The following OSBPL10 variants were observed in gnomAD, a reference collection of about 807,000 sequenced individuals.
The protein encoded by OSBPL10 is oxysterol-binding protein-related protein 10.
Under a neutral mutation model 81.7 loss-of-function variants are expected in OSBPL10, and 49 were observed. That is an observed-to-expected ratio of 0.60 (90% CI 0.48 to 0.76). OSBPL10 has a LOEUF of 0.76. Among genes scored for constraint, OSBPL10 ranks in the 30% least tolerant of loss-of-function variants. The pLI, the probability that OSBPL10 is intolerant of heterozygous loss-of-function variation, is 0.00. For missense variants in OSBPL10, 923 were observed against 987.8 expected, an observed-to-expected ratio of 0.93 and a Z score of 0.88; for synonymous variants, 419 against 383.6, an observed-to-expected ratio of 1.09 and a Z score of -1.08.
At chr3:31,990,783 T>C in intron 2 of OSBPL10, 5 of 1,612,612 alleles carry the variant, frequency 3.1e-6, no homozygotes, top group Non-Finnish European at 4.2e-6. Context: ...CTTACAAATG[T>C]GATGATTTTG....
chr3:31,707,401 A>T (rs1282338935), intron 6 of OSBPL10: 2 of 152,260 alleles, frequency 1.3e-5, no homozygotes, highest in Non-Finnish European at 2.9e-5. Context: ...GACAGACAAT[A>T]AAGCCAGCTA....
intron 7 of OSBPL10, among the ~76,000 whole-genome samples, chr3:31,697,055 T>C (rs1011229001): frequency 1.3e-5 from 2 of 152,188 alleles, no homozygotes; most frequent in African/African-American, 4.8e-5. Context: ...TCTTGCATAA[T>C]CCTCCTTCAA....
intron 7 of OSBPL10, among the ~76,000 whole-genome samples, chr3:31,701,239 C>T (rs2125590452): frequency 6.6e-6 from 1 of 152,264 alleles, no homozygotes; most frequent in South Asian, 2.1e-4. Context: ...TTGTGGAATC[C>T]AGAGCCTCCA....
intron 1 of OSBPL10, among the ~76,000 whole-genome samples, chr3:31,884,313 CAT>C (rs1184202905): frequency 6.6e-6 from 1 of 152,154 alleles, no homozygotes; most frequent in African/African-American, 2.4e-5. Flanking sequence ...AGGTTTGAAT[CAT>C]GTGTACTAAG....
At chr3:31,991,102 A>C in intron 2 of OSBPL10, 1 of 950,144 alleles carries the variant, frequency 1.1e-6, no homozygotes. Flanking sequence ...CTTGAGTTTC[A>C]GTTGACTTGA....
At chr3:31,957,141 T>TA (rs1309570865) in intron 1 of OSBPL10, among the ~76,000 whole-genome samples, 1 of 151,718 alleles carries the variant, frequency 6.6e-6, no homozygotes, top group Admixed American at 6.6e-5. Flanking sequence ...TCTCAAAAAA[T>TA]AAAAAATAAA....
chr3:31,965,213 CA>C (rs922903290), intron 1 of OSBPL10, among the ~76,000 whole-genome samples: 4 of 150,358 alleles, frequency 2.7e-5, no homozygotes, highest in Admixed American at 1.3e-4. Flanking sequence ...ACTAAAAATA[CA>C]AAAAAATTAG....
At chr3:31,787,574 G>C (rs964047741) in intron 4 of OSBPL10, among the ~76,000 whole-genome samples, 1 of 144,304 alleles carries the variant, frequency 6.9e-6, no homozygotes, top group African/African-American at 2.6e-5. Flanking sequence ...CAGCCTGGAC[G>C]ACAGAGCAAG....
At position 31,965,666 on chromosome 3, in the gene OSBPL10, ATTTT is replaced by A. The variant is rs1698346100; in HGVS notation, c.281+15229_281+15232del. ...ATAAATTATATATTATATATTATATATTTTATATAATATATATTATATAAAATAT... is the reference window on the plus strand; with the variant it reads ...ATAAATTATATATTATATATTATATAATATAATATATATTATATAAAATAT... On this transcript the variant is annotated intron_variant, in intron 1 of 11. Coordinates refer to ENST00000396556, the MANE Select transcript of OSBPL10 (RefSeq NM_017784.5). 4.8e-4 allele frequency among the ~76,000 whole-genome samples: 19 copies of A among 39,488 alleles called. 2 individuals carry two copies. Among genetic ancestry groups the A allele is most frequent in the African/African-American group, 1.8e-3 (19 of 10,496 alleles). 25.9% of individuals were successfully genotyped at this position (39,488 alleles called of 152,430 possible). A position where few individuals can be genotyped will look rare whatever the true frequency, so the allele number is the denominator to read the frequency against.
At chr3:31,958,286 T>C (rs1423606035) in intron 1 of OSBPL10, among the ~76,000 whole-genome samples, 3 of 152,216 alleles carry the variant, frequency 2.0e-5, no homozygotes, top group African/African-American at 4.8e-5. Context: ...GTATTACTCT[T>C]GCAATTGAAA....
chr3:31,957,345 C>T (rs985846300), intron 1 of OSBPL10, among the ~76,000 whole-genome samples: 2 of 152,122 alleles, frequency 1.3e-5, no homozygotes, highest in Non-Finnish European at 2.9e-5. Context: ...CCCCTGAGCA[C>T]AGTTATGAGA....
intron 2 of OSBPL10, among the ~76,000 whole-genome samples, chr3:32,003,366 C>T (rs1699170312): frequency 1.3e-5 from 2 of 152,180 alleles, no homozygotes; most frequent in African/African-American, 2.4e-5. Context: ...GGAGTTCCCC[C>T]GAGGTTTCCT....
chr3:31,979,116 T>C (rs1283231557), intron 1 of OSBPL10, among the ~76,000 whole-genome samples: 1 of 152,186 alleles, frequency 6.6e-6, no homozygotes, highest in Non-Finnish European at 1.5e-5. Flanking sequence ...CACCTTGAGT[T>C]GCCATTAACG....
chr3:31,921,468 T>A (rs1490203239), intron 1 of OSBPL10, among the ~76,000 whole-genome samples: 3 of 152,152 alleles, frequency 2.0e-5, no homozygotes, highest in African/African-American at 7.2e-5. Context: ...GATGGGGGTA[T>A]GTCAAAGTGA....
intron 1 of OSBPL10, among the ~76,000 whole-genome samples, chr3:31,898,037 A>AAAG (rs1696115516): frequency 2.0e-5 from 2 of 101,814 alleles, no homozygotes; most frequent in East Asian, 5.1e-4. Context: ...AAAAAAAAAA[A>AAAG]CAGAAGAAGA....
chr3:31,986,127 G>A (rs955189251), upstream of OSBPL10: 1 of 152,188 alleles, frequency 6.6e-6, no homozygotes, highest in South Asian at 2.1e-4. Context: ...TATGCATTTA[G>A]GAATTGATCC....
chr3:32,000,631 C>G (rs1461545813), intron 2 of OSBPL10, among the ~76,000 whole-genome samples: 1 of 152,216 alleles, frequency 6.6e-6, no homozygotes, highest in Non-Finnish European at 1.5e-5. Context: ...TTTGTCAGCC[C>G]TTCCTCGTGA....
At chr3:31,927,733 C>T (rs1038832002) in intron 1 of OSBPL10, among the ~76,000 whole-genome samples, 34 of 152,288 alleles carry the variant, frequency 2.2e-4, no homozygotes, top group Middle Eastern at 3.4e-3. Context: ...TTCATGCCAG[C>T]TCCTTCTCAT....
chr3:31,937,954 T>G (rs1697426929), intron 1 of OSBPL10, among the ~76,000 whole-genome samples: 1 of 152,126 alleles, frequency 6.6e-6, no homozygotes, highest in African/African-American at 2.4e-5. Context: ...ACTGCCCAAT[T>G]AGTTCCTTGA....
Sources: allele counts gnomAD v4.1 joint callset (sites outside exome capture counted in the v4.1 genomes callset), GRCh38; gene constraint gnomAD v4.1.1; transcripts MANE v1.5; gene names NCBI Gene and HGNC (gene_info 2026-07-23, HGNC 2026-07-21).